DOCK4: variants seen among roughly 807,000 people sequenced by gnomAD.
DOCK4 encodes dedicator of cytokinesis protein 4.
A neutral mutation model predicts 268.1 loss-of-function variants in DOCK4; 97 were observed. The ratio of observed to expected loss-of-function variants is 0.36; its 90% CI spans 0.31 to 0.43. The LOEUF (loss-of-function observed/expected upper bound fraction) is 0.43. Ranked by LOEUF, DOCK4 falls within the 20% of genes least tolerant of loss-of-function variation. The pLI, the probability that DOCK4 is intolerant of heterozygous loss-of-function variation, is 1.00. For synonymous variants in DOCK4, 954 were observed against 887.2 expected (o/e 1.08, Z -1.34); for missense variants, 2,145 against 2,455.7 (o/e 0.87, Z 2.67).
At chr7:111,844,347 G>A (rs919953259) in intron 25 of DOCK4, among the ~76,000 whole-genome samples, 1 of 152,158 alleles carries the variant, frequency 6.6e-6, no homozygotes, top group African/African-American at 2.4e-5. Flanking sequence ...GCCTAGAAAA[G>A]TTACGATTCT....
chr7:112,090,962 C>T (rs939705945), intron 1 of DOCK4, among the ~76,000 whole-genome samples: 1 of 152,122 alleles, frequency 6.6e-6, no homozygotes, highest in African/African-American at 2.4e-5. Flanking sequence ...CTCTACCGGG[C>T]TCACATTCAC....
At chr7:111,844,086 C>T (rs539489856) in intron 25 of DOCK4, among the ~76,000 whole-genome samples, 6 of 152,126 alleles carry the variant, frequency 3.9e-5, no homozygotes, top group African/African-American at 1.4e-4. Flanking sequence ...ATCAGCCTGA[C>T]CAACATGGTG....
At chr7:111,789,996 T>C (rs1476494347) in intron 31 of DOCK4, among the ~76,000 whole-genome samples, 1 of 152,216 alleles carries the variant, frequency 6.6e-6, no homozygotes, top group Non-Finnish European at 1.5e-5. Context: ...CTGTAAGAAT[T>C]TCCACAGCTT....
At chr7:112,096,510 G>T (rs1810157480) in intron 1 of DOCK4, among the ~76,000 whole-genome samples, 1 of 152,062 alleles carries the variant, frequency 6.6e-6, no homozygotes, top group Non-Finnish European at 1.5e-5. Flanking sequence ...AACCCATTAT[G>T]TAACATGTAC....
At chr7:111,936,415 G>A (rs1263018430) in intron 11 of DOCK4, among the ~76,000 whole-genome samples, 2 of 152,096 alleles carry the variant, frequency 1.3e-5, no homozygotes, top group Admixed American at 1.3e-4. Flanking sequence ...CTGGATCTAG[G>A]ACTGGCTGAT....
chr7:111,957,413 AT>A (rs1796529513), intron 8 of DOCK4, among the ~76,000 whole-genome samples: 1 of 152,188 alleles, frequency 6.6e-6, no homozygotes, highest in African/African-American at 2.4e-5. Flanking sequence ...AAAGATAGCC[AT>A]GACTCCAAGT....
At chr7:111,863,254 T>C (rs756516899) in intron 23 of DOCK4, 118 bp downstream of exon 23, 18 of 1,030,290 alleles carry the variant, frequency 1.7e-5, no homozygotes, top group African/African-American at 6.3e-5. Flanking sequence ...AAATAAACAA[T>C]GGTTTTGAGA....
chr7:112,181,639 C>CA (rs55807955), intron 1 of DOCK4, among the ~76,000 whole-genome samples: 3,517 of 65,260 alleles, frequency 0.054, 384 homozygotes, highest in African/African-American at 0.15. Context: ...GACACTGTCT[C>CA]AAAAAAAAAA....
rs554304435 is a variant in DOCK4, at chr7:112,153,156, C to T, written c.37+52946G>A. On this transcript the variant is annotated intron_variant, in intron 1 of 52. Coordinates refer to ENST00000428084, the MANE Select transcript of DOCK4 (RefSeq NM_001363540.2). ...GCACAATAAATTCTTAGATTTATGC[C>T]TTTGTTACTACCATGATGTACTGAC... Among the ~76,000 whole-genome samples the T allele has an allele frequency of 6.6e-5, 10 of 152,144 alleles. No individual in the cohort carries two copies. The East Asian group carries it at 1.9e-3, about 29-fold the overall frequency.
chr7:111,798,116 G>A (rs570942439), intron 30 of DOCK4, among the ~76,000 whole-genome samples: 5 of 152,328 alleles, frequency 3.3e-5, no homozygotes, highest in African/African-American at 7.2e-5. Flanking sequence ...TATCAGGGTA[G>A]CAGGCCAGGG....
chr7:111,962,703 G>C (rs1157715265), intron 8 of DOCK4, among the ~76,000 whole-genome samples: 4 of 152,062 alleles, frequency 2.6e-5, no homozygotes, highest in African/African-American at 9.7e-5. Context: ...TGATAGAATG[G>C]AATGATATAT....
intron 23 of DOCK4, among the ~76,000 whole-genome samples, chr7:111,853,710 G>T (rs533718830): frequency 6.6e-5 from 10 of 152,078 alleles, no homozygotes; most frequent in Non-Finnish European, 1.5e-4. Flanking sequence ...CACCCTGAAT[G>T]CCTCCACCTC....
intron 5 of DOCK4, among the ~76,000 whole-genome samples, chr7:111,993,171 A>G (rs1799670335): frequency 6.6e-6 from 1 of 152,194 alleles, no homozygotes; most frequent in Non-Finnish European, 1.5e-5. Flanking sequence ...ATCCTATTGC[A>G]TTTCAGATGT....
At chr7:111,935,367 C>G (rs947305113) in intron 12 of DOCK4, 173 bp downstream of exon 12, 1 of 690,904 alleles carries the variant, frequency 1.4e-6, no homozygotes, top group African/African-American at 1.8e-5. Context: ...GTTATAAGTA[C>G]AACCCTATCA....
At chr7:111,866,662 T>G (rs917463893) in intron 22 of DOCK4, among the ~76,000 whole-genome samples, 3 of 151,882 alleles carry the variant, frequency 2.0e-5, no homozygotes, top group African/African-American at 7.3e-5. Flanking sequence ...CAGGATCCAG[T>G]GGTACAACTA....
intron 13 of DOCK4, among the ~76,000 whole-genome samples, chr7:111,913,368 G>A (rs1792292268): frequency 6.6e-6 from 1 of 151,624 alleles, no homozygotes; most frequent in Non-Finnish European, 1.5e-5. Context: ...CCAGGGATTA[G>A]AGACCAGCCT....
chr7:111,892,976 T>C (rs1482315587), intron 16 of DOCK4, among the ~76,000 whole-genome samples: 1 of 152,188 alleles, frequency 6.6e-6, no homozygotes, highest in Non-Finnish European at 1.5e-5. Context: ...AGCTATACAA[T>C]GTAGGTCTGC....
intron 1 of DOCK4, among the ~76,000 whole-genome samples, chr7:112,165,170 G>A (rs1261128258): frequency 1.3e-5 from 2 of 152,026 alleles, no homozygotes; most frequent in Non-Finnish European, 2.9e-5. Flanking sequence ...ATGAAGCCAG[G>A]GTATTTAGGG....
chr7:112,079,685 T>G (rs1348257270), intron 1 of DOCK4, among the ~76,000 whole-genome samples: 1 of 152,198 alleles, frequency 6.6e-6, no homozygotes, highest in African/African-American at 2.4e-5. Context: ...TGGTTATGGT[T>G]AAGCTAATCA....
Sources: allele counts gnomAD v4.1 joint callset (sites outside exome capture counted in the v4.1 genomes callset), GRCh38; gene constraint gnomAD v4.1.1; transcripts MANE v1.5; gene names NCBI Gene and HGNC (gene_info 2026-07-23, HGNC 2026-07-21).